Variants in ZFR2 observed in about 807,000 individuals in gnomAD.
ZFR2 encodes the protein zinc finger RNA binding protein 2, also known as zinc finger RNA-binding protein 2.
A neutral mutation model predicts 105.7 loss-of-function variants in ZFR2; 104 were observed. That is an observed-to-expected ratio of 0.98 (90% CI 0.84 to 1.16). The LOEUF (loss-of-function observed/expected upper bound fraction) is 1.16, where lower values mean the gene tolerates loss of function less well. ZFR2 is among the 50% of genes most tolerant of loss of function. ZFR2 has a pLI of 0.00. For synonymous variants in ZFR2, 634 were observed against 597.7 expected (o/e 1.06, Z -0.89); for missense variants, 1,425 against 1,355.5 (o/e 1.05, Z -0.80).
intron 1 of ZFR2, among the ~76,000 whole-genome samples, chr19:3,840,208 C>T (rs999467644): frequency 2.0e-5 from 3 of 152,028 alleles, no homozygotes; most frequent in Admixed American, 2.0e-4. Context: ...AAGCAGCAGC[C>T]ACACGTGGCT....
rs1875100345 is a variant in ZFR2, at chr19:3,831,698, G to A, written c.560C>T (p.Pro187Leu). The A allele has an allele frequency of 1.3e-6, 2 of 1,582,056 alleles. No individual in the cohort carries two copies. Among genetic ancestry groups the A allele is most frequent in the African/African-American group, 1.3e-5 (1 of 74,606 alleles). The change falls in exon 4 of 19, where the codon CCC becomes CTC. Residue 187 changes from proline (P) to leucine (L), a missense_variant. Physicochemically the swap from Pro to Leu is moderately conservative, Grantham distance 98. Coordinates refer to ENST00000262961, the MANE Select transcript of ZFR2 (RefSeq NM_015174.2). ...GCAGGTGGGGTTGTAGGAGGGCGGG[G>A]GGTAGGAGGTCACGATGGAAGCTGA... is the stretch of plus-strand genomic sequence containing the variant. ...ESSASIVTSY[P>L]PPSYNPTCTA...
chr19:3,827,229 G>A (rs189252001), intron 6 of ZFR2, among the ~76,000 whole-genome samples: 51 of 152,296 alleles, frequency 3.3e-4, no homozygotes, highest in African/African-American at 1.2e-3. Flanking sequence ...GGAACAGGAC[G>A]AGACTTTGTC....
intron 3 of ZFR2, among the ~76,000 whole-genome samples, chr19:3,832,897 C>A (rs867642848): frequency 6.6e-6 from 1 of 151,828 alleles, no homozygotes; most frequent in Non-Finnish European, 1.5e-5. Context: ...CCTCGGGCCT[C>A]CCAAAGTGTT....
chr19:3,807,671 G>A (rs952195163), intron 17 of ZFR2, among the ~76,000 whole-genome samples: 3 of 143,838 alleles, frequency 2.1e-5, no homozygotes, highest in Admixed American at 2.0e-4. Context: ...GTGCACCCAT[G>A]TCGGTGTGTG....
chr19:3,833,248 CAAAAAAA>C (rs1206859994), intron 3 of ZFR2, among the ~76,000 whole-genome samples: 5 of 75,266 alleles, frequency 6.6e-5, no homozygotes, highest in Non-Finnish European at 1.5e-4. Flanking sequence ...GACTCCGTCT[CAAAAAAA>C]AAAAAAAAAA....
intron 1 of ZFR2, among the ~76,000 whole-genome samples, chr19:3,849,834 G>C (rs748685231): frequency 3.9e-5 from 6 of 152,220 alleles, no homozygotes; most frequent in African/African-American, 1.4e-4. Flanking sequence ...GAGCCAGGGC[G>C]CAGGGAAAAT....
chr19:3,857,480 G>A (rs1453481247), intron 1 of ZFR2, among the ~76,000 whole-genome samples: 7 of 150,764 alleles, frequency 4.6e-5, no homozygotes, highest in Admixed American at 2.0e-4. Context: ...TGAGGTGGGC[G>A]GATCACTTGA....
Position 3,865,051 on chromosome 19 carries a change from C to T in ZFR2, c.53+3914G>A, listed in dbSNP as rs780177925. Among the ~76,000 whole-genome samples the T allele has an allele frequency of 3.3e-5, 5 of 152,078 alleles. No homozygotes were observed. The South Asian group carries it at 6.2e-4, about 19-fold the overall frequency. The stretch of plus-strand genomic sequence containing the variant: ...GGTGTGAGCCACCGTGCCCGGCCTG[C>T]GCTCAGTGCTAATTAAAAGCACTGC... On this transcript the variant is annotated intron_variant, in intron 1 of 18. Transcript: ENST00000262961.
intron 5 of ZFR2, among the ~76,000 whole-genome samples, chr19:3,828,014 T>A (rs997942562): frequency 7.9e-5 from 12 of 151,698 alleles, no homozygotes; most frequent in Admixed American, 7.9e-4. Flanking sequence ...AGAGACGGGG[T>A]TTCACTCTGT....
At chr19:3,854,313 A>C (rs990152130) in intron 1 of ZFR2, among the ~76,000 whole-genome samples, 1 of 151,802 alleles carries the variant, frequency 6.6e-6, no homozygotes, top group African/African-American at 2.4e-5. Flanking sequence ...GAATTGCTTG[A>C]ACCTAGGAGG....
chr19:3,816,758 G>T lies in ZFR2; in HGVS notation c.2019C>A (p.Asn673Lys). The change falls in exon 13 of 19, where the codon AAC becomes AAA. Residue 673 changes from asparagine to lysine, a missense_variant. Asn to Lys is a moderately conservative substitution (Grantham distance 94, BLOSUM62 0). Transcript: ENST00000262961. ...AKGLLLRGDR[N>K]VRLALLCSEK... The stretch of plus-strand genomic sequence containing the variant: ...CGGAGCAGAGCAGAGCGAGGCGCAC[G>T]TTCCTGTCCCCACGCAGGAGGAGGC... The T allele has an allele frequency of 6.2e-7, 1 of 1,612,078 alleles. No individual in the cohort carries two copies. The highest frequency in any genetic ancestry group is 1.1e-5 in the South Asian group (1 of 90,822).
Position 3,813,989 on chromosome 19 carries a change from C to T in ZFR2, c.2104-31G>A, listed in dbSNP as rs1365437245. The T allele has an allele frequency of 3.1e-6, 5 of 1,612,078 alleles. No homozygotes were observed. Among genetic ancestry groups the T allele is most frequent in the South Asian group, 1.1e-5 (1 of 90,860 alleles). ...AGGGGTAAATACAACACAAGGCCAC[C>T]TTACTGCAGCCCAGATTCATGTGTA... On this transcript the variant is annotated intron_variant, in intron 13 of 18. Transcript: ENST00000262961. This position sits in a 1 kb window ranked among gnomAD's most constrained non-coding sequence, Gnocchi z 4.4.
intron 5 of ZFR2, among the ~76,000 whole-genome samples, chr19:3,829,461 T>TGTGC (rs981125755): frequency 2.2e-4 from 33 of 151,552 alleles, no homozygotes; most frequent in African/African-American, 6.3e-4. Context: ...GGTTTGTGTG[T>TGTGC]GTGTGTGTGT....
At chr19:3,809,101 C>T (rs958233196) in intron 16 of ZFR2, 118 bp from the exon 17 acceptor site, 71 of 719,980 alleles carry the variant, frequency 9.9e-5, no homozygotes, top group Non-Finnish European at 1.2e-4. Flanking sequence ...CTAACTCCCA[C>T]CACCCACTGA....
intron 7 of ZFR2, among the ~76,000 whole-genome samples, chr19:3,824,885 T>C (rs1032467175): frequency 6.6e-6 from 1 of 152,150 alleles, no homozygotes; most frequent in Non-Finnish European, 1.5e-5. Flanking sequence ...TGCAGTGAGC[T>C]GAGATCGCAC....
intron 9 of ZFR2, among the ~76,000 whole-genome samples, chr19:3,821,809 A>G (rs933003749): frequency 4.0e-5 from 6 of 151,824 alleles, no homozygotes; most frequent in Middle Eastern, 3.2e-3. Context: ...AGATTTCACT[A>G]TGTTGGCCAG....
rs149277526 is a variant in ZFR2 at position 3,849,852 on chromosome 19, C to T, written c.54-14869G>A. 6.7e-3 allele frequency among the ~76,000 whole-genome samples: 1,014 copies of T among 152,308 alleles called. 10 individuals are homozygous for T. The highest frequency in any genetic ancestry group is 0.023 in the African/African-American group (966 of 41,586). ...CCAGGGCGCAGGGAAAATGGATGTGCGACCAACATGCAGATGGCTGGACGT... is the reference window on the plus strand; with the variant it reads ...CCAGGGCGCAGGGAAAATGGATGTGTGACCAACATGCAGATGGCTGGACGT... On this transcript the variant is annotated intron_variant, in intron 1 of 18. Coordinates refer to ENST00000262961, the MANE Select transcript of ZFR2 (RefSeq NM_015174.2).
Position 3,864,619 on chromosome 19 carries a change from T to G in ZFR2, c.53+4346A>C, listed in dbSNP as rs1417676330. ...ACTTCCAACACACCACTTTGAGCTC[T>G]ACATACTTTCATGACTAGTGTGACT... is the stretch of plus-strand genomic sequence containing the variant. On this transcript the variant is annotated intron_variant, in intron 1 of 18. Transcript: ENST00000262961. 6.8e-4 allele frequency among the ~76,000 whole-genome samples: 103 copies of G among 152,286 alleles called. 3 individuals carry two copies. The highest frequency in any genetic ancestry group is 2.9e-5 in the Non-Finnish European group (2 of 68,006).
chr19:3,810,282 A>G (rs1316000955), intron 16 of ZFR2, among the ~76,000 whole-genome samples: 1 of 152,026 alleles, frequency 6.6e-6, no homozygotes, highest in Non-Finnish European at 1.5e-5. Context: ...TGCTCTGTGA[A>G]CCTTGTGGTG....
Sources: allele counts gnomAD v4.1 joint callset (sites outside exome capture counted in the v4.1 genomes callset), GRCh38; gene constraint gnomAD v4.1.1; non-coding constraint Gnocchi (gnomAD v3.1); transcripts MANE v1.5; gene names NCBI Gene and HGNC (gene_info 2026-07-23, HGNC 2026-07-21).